The following CDH18 variants were observed in gnomAD, a reference collection of about 807,000 sequenced individuals.
CDH18 encodes the protein cadherin-18.
A neutral mutation model predicts 67.9 loss-of-function variants in CDH18; 31 were observed. That is an observed-to-expected ratio of 0.46 (90% CI 0.34 to 0.62). The LOEUF (loss-of-function observed/expected upper bound fraction) is 0.62, where lower values mean the gene tolerates loss of function less well. Ranked by LOEUF, CDH18 falls within the 20% of genes least tolerant of loss-of-function variation. CDH18 has a pLI of 0.01. For synonymous variants in CDH18, 362 were observed against 347.2 expected (o/e 1.04, Z -0.48); for missense variants, 890 against 975.5 (o/e 0.91, Z 1.17).
intron 9 of CDH18, among the ~76,000 whole-genome samples, chr5:19,535,111 T>C (rs552787911): frequency 6.6e-6 from 1 of 152,284 alleles, no homozygotes; most frequent in African/African-American, 2.4e-5. Flanking sequence ...ACGTAAGCTG[T>C]TCCCTTATTA....
chr5:19,607,644 C>T (rs1231232032), intron 6 of CDH18, among the ~76,000 whole-genome samples: 1 of 151,218 alleles, frequency 6.6e-6, no homozygotes, highest in Admixed American at 6.6e-5. Context: ...AATTAAGATA[C>T]TTATAAGTGT....
chr5:19,900,373 A>G (rs1789811160), intron 2 of CDH18, among the ~76,000 whole-genome samples: 2 of 152,184 alleles, frequency 1.3e-5, no homozygotes, highest in Admixed American at 1.3e-4. Context: ...AAATAGCTAG[A>G]AGAGTGGTTT....
At position 19,706,051 on chromosome 5, in the gene CDH18, G is replaced by T. The variant is rs148324504; in HGVS notation, c.643+15296C>A. On this transcript the variant is annotated intron_variant, in intron 5 of 12. Coordinates refer to ENST00000382275, the MANE Select transcript of CDH18 (RefSeq NM_004934.5). ...GCCCTATACTTTAGCTCCAAAAGTG[G>T]AGCTCGTAGCTGTAATTGAGGTATT... is the stretch of plus-strand genomic sequence containing the variant. 1.3e-3 allele frequency among the ~76,000 whole-genome samples: 195 copies of T among 152,210 alleles called. 1 individual carries two copies. Among genetic ancestry groups the T allele is most frequent in the African/African-American group, 4.6e-3 (189 of 41,534 alleles).
At position 19,806,737 on chromosome 5, in the gene CDH18, A is replaced by G. The variant is rs185072024; in HGVS notation, c.228+32022T>C. Among the ~76,000 whole-genome samples the G allele has an allele frequency of 1.2e-4, 18 of 152,318 alleles. No individual in the cohort carries two copies. In the East Asian group the frequency reaches 2.7e-3, roughly 23 times the overall value. The stretch of plus-strand genomic sequence containing the variant: ...TCTGCTACCCTCTTTCCTATTGCCT[A>G]TTAACTCTTTACAGAAATTAACCTA... On this transcript the variant is annotated intron_variant, in intron 3 of 12. Coordinates refer to ENST00000382275, the MANE Select transcript of CDH18 (RefSeq NM_004934.5).
At chr5:20,009,140 A>G (rs1271888834) in intron 2 of CDH18, among the ~76,000 whole-genome samples, 2 of 152,124 alleles carry the variant, frequency 1.3e-5, no homozygotes, top group Non-Finnish European at 2.9e-5. Flanking sequence ...ACGAAGGACA[A>G]ACTCTGGAAT....
At chr5:20,007,570 G>C (rs1372634464) in intron 2 of CDH18, among the ~76,000 whole-genome samples, 2 of 151,984 alleles carry the variant, frequency 1.3e-5, no homozygotes, top group Non-Finnish European at 2.9e-5. Flanking sequence ...GATTGCTCAT[G>C]GAAGAAAGAA....
chr5:20,109,560 T>G (rs988550945), intron 2 of CDH18, among the ~76,000 whole-genome samples: 1 of 152,350 alleles, frequency 6.6e-6, no homozygotes, highest in Admixed American at 6.5e-5. Context: ...CTAACTGACT[T>G]GCAAATACCT....
chr5:19,486,296 AT>A (rs1389280899), intron 11 of CDH18, among the ~76,000 whole-genome samples: 1 of 150,604 alleles, frequency 6.6e-6, no homozygotes, highest in African/African-American at 2.4e-5. Flanking sequence ...TATATATTAT[AT>A]AGATATGTAT....
intron 10 of CDH18, among the ~76,000 whole-genome samples, chr5:19,518,707 C>T (rs1965948): frequency 0.019 from 2,935 of 152,228 alleles, 77 homozygotes; most frequent in African/African-American, 0.066. Context: ...CCTTTGGCCA[C>T]AGGCTGAAAG....
At chr5:19,688,096 C>T (rs1761369142) in intron 5 of CDH18, among the ~76,000 whole-genome samples, 1 of 152,166 alleles carries the variant, frequency 6.6e-6, no homozygotes, top group South Asian at 2.1e-4. Context: ...CAGCATGCTG[C>T]TTAGGAGCCT....
chr5:20,034,692 A>G (rs1224802377), intron 2 of CDH18, among the ~76,000 whole-genome samples: 1 of 151,998 alleles, frequency 6.6e-6, no homozygotes, highest in Non-Finnish European at 1.5e-5. Flanking sequence ...CTGGTTCTTA[A>G]GACTTGGATT....
chr5:19,948,866 G>A (rs1795518394), intron 2 of CDH18, among the ~76,000 whole-genome samples: 1 of 152,152 alleles, frequency 6.6e-6, no homozygotes, highest in African/African-American at 2.4e-5. Flanking sequence ...TATATTAAAT[G>A]TGCCCAGAGT....
chr5:20,162,495 A>G (rs1257000859), intron 2 of CDH18, among the ~76,000 whole-genome samples: 2 of 94,702 alleles, frequency 2.1e-5, no homozygotes, highest in African/African-American at 1.0e-4. Flanking sequence ...ACATATATAT[A>G]ATAGACATAT....
chr5:20,191,640 G>A (rs1016727550), intron 2 of CDH18, among the ~76,000 whole-genome samples: 1 of 151,924 alleles, frequency 6.6e-6, no homozygotes, highest in Non-Finnish European at 1.5e-5. Context: ...TTAGTTTGTT[G>A]AGGCTGATGG....
In CDH18 at chr5:20,334,751, CAT is replaced by C. The variant is rs1292597257; in HGVS notation, c.-579-79248_-579-79247del. 3.5e-4 allele frequency among the ~76,000 whole-genome samples: 35 copies of C among 100,940 alleles called. No individual in the cohort carries two copies. The East Asian group carries it at 6.7e-3, about 19-fold the overall frequency. The allele number at this position is 100,940 out of a possible 152,430, so 66.2% of individuals were successfully genotyped here. A position where few individuals can be genotyped will look rare whatever the true frequency, so the allele number is the denominator to read the frequency against. ...ATGATCTCTCTCTCTCTCTCTCTCT[CAT>C]ACACACACACACACACACACACACA... On this transcript the variant is annotated intron_variant, in intron 1 of 14. Transcript: ENST00000507958.
At chr5:20,171,768 A>G (rs1454431295) in intron 2 of CDH18, among the ~76,000 whole-genome samples, 1 of 151,728 alleles carries the variant, frequency 6.6e-6, no homozygotes, top group East Asian at 1.9e-4. Context: ...TAATTTTGGT[A>G]TCTTCATTAT....
chr5:19,688,121 C>T (rs1230148714), intron 5 of CDH18, among the ~76,000 whole-genome samples: 1 of 152,158 alleles, frequency 6.6e-6, no homozygotes, highest in Non-Finnish European at 1.5e-5. Flanking sequence ...GTTTTCCCAC[C>T]ACCATTACTG....
At chr5:20,225,288 T>G (rs1741527770) in intron 2 of CDH18, among the ~76,000 whole-genome samples, 1 of 152,146 alleles carries the variant, frequency 6.6e-6, no homozygotes. Flanking sequence ...AGGAGAACAA[T>G]ATTGACTTTG....
chr5:20,183,742 T>C (rs572081466), intron 2 of CDH18, among the ~76,000 whole-genome samples: 1 of 152,286 alleles, frequency 6.6e-6, no homozygotes, highest in Non-Finnish European at 1.5e-5. Flanking sequence ...ATCCAGAGAC[T>C]GTGTACTCAA....
Sources: allele counts gnomAD v4.1 joint callset (sites outside exome capture counted in the v4.1 genomes callset), GRCh38; gene constraint gnomAD v4.1.1; transcripts MANE v1.5; gene names NCBI Gene and HGNC (gene_info 2026-07-23, HGNC 2026-07-21).